The following RIPOR2 variants were observed in gnomAD, a reference collection of about 807,000 sequenced individuals.
RIPOR2 encodes the protein rho family-interacting cell polarization regulator 2.
RIPOR2 carries 39 observed loss-of-function variants against 114.5 expected under a neutral mutation model. That is an observed-to-expected ratio of 0.34 (90% CI 0.26 to 0.44). The LOEUF (loss-of-function observed/expected upper bound fraction) is 0.44. RIPOR2 is among the 20% of genes least tolerant of loss of function. The pLI is 1.00. For synonymous variants in RIPOR2, 445 were observed against 484.4 expected (o/e 0.92, Z 1.07); for missense variants, 1,007 against 1,255.1 (o/e 0.80, Z 2.99).
intron 1 of RIPOR2, among the ~76,000 whole-genome samples, chr6:24,957,778 GGCAGGA>G (rs1477948848): frequency 2.0e-5 from 3 of 152,330 alleles, no homozygotes; most frequent in Admixed American, 2.0e-4. Context: ...GGGAGGCTGA[GGCAGGA>G]AAATGGAGTG....
At chr6:24,983,530 G>C (rs1774393124) in intron 1 of RIPOR2, among the ~76,000 whole-genome samples, 2 of 152,052 alleles carry the variant, frequency 1.3e-5, no homozygotes, top group South Asian at 4.1e-4. Context: ...GCCTAGGCGG[G>C]TGGATCACCT....
intron 1 of RIPOR2, among the ~76,000 whole-genome samples, chr6:25,022,060 G>A (rs1005569509): frequency 2.0e-5 from 3 of 152,182 alleles, no homozygotes; most frequent in Admixed American, 6.5e-5. Flanking sequence ...TCACTTTGAT[G>A]GGATTAGATA....
chr6:24,918,988 T>G (rs1445301242), intron 1 of RIPOR2, among the ~76,000 whole-genome samples: 1 of 152,176 alleles, frequency 6.6e-6, no homozygotes, highest in Non-Finnish European at 1.5e-5. Flanking sequence ...CTAACACACA[T>G]TTTATGCAAA....
intron 1 of RIPOR2, among the ~76,000 whole-genome samples, chr6:24,957,172 G>T (rs977818068): frequency 3.3e-5 from 5 of 151,882 alleles, no homozygotes; most frequent in African/African-American, 1.2e-4. Context: ...GGATGCAACA[G>T]GAAGATTTTT....
intron 1 of RIPOR2, among the ~76,000 whole-genome samples, chr6:25,020,174 T>C (rs1265955446): frequency 6.6e-6 from 1 of 152,236 alleles, no homozygotes; most frequent in Admixed American, 6.5e-5. Flanking sequence ...CTGGACAATG[T>C]TAATTTGCTA....
At chr6:24,941,626 C>T (rs1394729507) in intron 1 of RIPOR2, among the ~76,000 whole-genome samples, 5 of 152,182 alleles carry the variant, frequency 3.3e-5, no homozygotes, top group Admixed American at 2.6e-4. Flanking sequence ...AAGACCCAGT[C>T]CCTAGTCCCT....
chr6:24,981,948 C>T (rs1390749211), intron 1 of RIPOR2, among the ~76,000 whole-genome samples: 1 of 152,230 alleles, frequency 6.6e-6, no homozygotes, highest in Non-Finnish European at 1.5e-5. Flanking sequence ...TGTCCCTTGG[C>T]ACTGCAAAAG....
intron 1 of RIPOR2, among the ~76,000 whole-genome samples, chr6:24,894,317 TAAG>T (rs746700190): frequency 3.7e-4 from 57 of 152,174 alleles, no homozygotes; most frequent in Admixed American, 6.5e-4. Context: ...TTTACAGGAA[TAAG>T]AAGAGGTTGT....
At position 25,023,558 on chromosome 6, in the gene RIPOR2, C is replaced by A. The variant is rs528492337; in HGVS notation, c.76+18293G>T. ...CAGCTCAGCAAATTTCAAGCCCAGG[C>A]CTTGTTTGATTTTGCACACCTCCCA... On this transcript the variant is annotated intron_variant, in intron 1 of 13. Transcript: ENST00000510784. 3.9e-6 allele frequency: 3 copies of A among 772,792 alleles called. No homozygotes were observed. In the South Asian group the frequency reaches 4.0e-5, roughly 10 times the overall value. 47.9% of individuals were successfully genotyped at this position (772,792 alleles called of 1,614,324 possible).
chr6:24,911,609 G>T (rs552724580), intron 1 of RIPOR2, among the ~76,000 whole-genome samples: 2 of 152,148 alleles, frequency 1.3e-5, no homozygotes, highest in African/African-American at 4.8e-5. Context: ...CATAAAGATG[G>T]CAGAAAGAGA....
intron 1 of RIPOR2, among the ~76,000 whole-genome samples, chr6:24,981,245 A>G (rs1581908454): frequency 6.6e-6 from 1 of 152,334 alleles, no homozygotes; most frequent in East Asian, 1.9e-4. Flanking sequence ...ATATTTTCCC[A>G]GGTTCCCTTC....
intron 8 of RIPOR2, among the ~76,000 whole-genome samples, chr6:24,854,376 C>T (rs1364098382): frequency 1.3e-5 from 2 of 152,168 alleles, no homozygotes; most frequent in Non-Finnish European, 2.9e-5. Flanking sequence ...TACTTCCAGG[C>T]TGAGTGAATG....
At position 24,839,282 on chromosome 6, in the gene RIPOR2, C is replaced by T; in HGVS notation, c.1858-10G>A. The T allele has an allele frequency of 6.5e-7, 1 of 1,549,938 alleles. No individual in the cohort carries two copies. The highest frequency in any genetic ancestry group is 8.7e-7 in the Non-Finnish European group (1 of 1,145,714). ...TTACTGCTGGCTTGCACTGTAAAGG[C>T]AGAAGGCACCAGGGAGAACATCAAC... On this transcript the variant is annotated splice_polypyrimidine_tract_variant and intron_variant, in intron 13 of 21. Coordinates refer to ENST00000643898, the MANE Select transcript of RIPOR2 (RefSeq NM_001286445.3).
At chr6:25,028,319 C>T (rs1776725378) in intron 1 of RIPOR2, among the ~76,000 whole-genome samples, 1 of 152,048 alleles carries the variant, frequency 6.6e-6, no homozygotes, top group African/African-American at 2.4e-5. Flanking sequence ...GGTGCATTTT[C>T]TGAATAGAGA....
chr6:24,912,459 C>T (rs566467887), intron 1 of RIPOR2, among the ~76,000 whole-genome samples: 88 of 122,886 alleles, frequency 7.2e-4, no homozygotes, highest in Non-Finnish European at 8.1e-4. Context: ...AGATCCCTTG[C>T]CCCCCCCCTT....
At chr6:24,859,791 C>A (rs796295167) in intron 8 of RIPOR2, among the ~76,000 whole-genome samples, 74 of 152,150 alleles carry the variant, frequency 4.9e-4, no homozygotes, top group African/African-American at 1.7e-3. Context: ...GCCCTCCTGT[C>A]GAGCCCTTTC....
At position 24,919,454 on chromosome 6, in the gene RIPOR2, T is replaced by C. The variant is rs536154370; in HGVS notation, c.61+16384A>G. 3.3e-5 allele frequency among the ~76,000 whole-genome samples: 5 copies of C among 152,318 alleles called. No individual in the cohort carries two copies. In the South Asian group the frequency reaches 1.0e-3, roughly 32 times the overall value. ...AAAGTGGCTTCTCCAAGCAATCCCA[T>C]ATTAAATATCTTTTATGGAATCCCG... On this transcript the variant is annotated intron_variant, in intron 1 of 21. Coordinates refer to ENST00000643898, the MANE Select transcript of RIPOR2 (RefSeq NM_001286445.3).
intron 1 of RIPOR2, among the ~76,000 whole-genome samples, chr6:24,932,441 G>A (rs1051071839): frequency 5.4e-5 from 8 of 146,858 alleles, no homozygotes; most frequent in Admixed American, 5.4e-4. Context: ...TTTTCTTTCT[G>A]TCTCTCTTTC....
intron 1 of RIPOR2, among the ~76,000 whole-genome samples, chr6:24,894,816 G>A (rs1342982229): frequency 6.6e-6 from 1 of 152,180 alleles, no homozygotes; most frequent in East Asian, 1.9e-4. Flanking sequence ...TATTCAGAGA[G>A]TAACATCCCA....
Sources: allele counts gnomAD v4.1 joint callset (sites outside exome capture counted in the v4.1 genomes callset), GRCh38; gene constraint gnomAD v4.1.1; transcripts MANE v1.5; gene names NCBI Gene and HGNC (gene_info 2026-07-23, HGNC 2026-07-21).